INPP4B: variants seen among roughly 807,000 people sequenced by gnomAD.
INPP4B encodes the protein inositol polyphosphate 4-phosphatase type II.
Under a neutral mutation model 122.5 loss-of-function variants are expected in INPP4B, and 55 were observed. The ratio of observed to expected loss-of-function variants is 0.45; its 90% CI spans 0.36 to 0.56. The LOEUF (loss-of-function observed/expected upper bound fraction) is 0.56. Ranked by LOEUF, INPP4B falls within the 20% of genes least tolerant of loss-of-function variation. INPP4B has a pLI of 0.00. For synonymous variants in INPP4B, 403 were observed against 388.7 expected, an observed-to-expected ratio of 1.04 and a Z score of -0.43; for missense variants, 1,000 against 1,097.7, an observed-to-expected ratio of 0.91 and a Z score of 1.26.
intron 2 of INPP4B, chr4:142,583,579 T>A (rs1735561874): frequency 6.6e-6 from 1 of 152,162 alleles, no homozygotes. Context: ...ACCCAGGTCC[T>A]GAGCAACTAT....
intron 23 of INPP4B, among the ~76,000 whole-genome samples, chr4:142,101,210 TGTGA>T (rs1419768405): frequency 6.6e-6 from 1 of 152,142 alleles, no homozygotes; most frequent in Non-Finnish European, 1.5e-5. Context: ...ATTGGGATGT[TGTGA>T]GTATCAACAC....
intron 9 of INPP4B, among the ~76,000 whole-genome samples, chr4:142,279,590 GTTAAC>G (rs1311793438): frequency 6.6e-6 from 1 of 151,062 alleles, no homozygotes; most frequent in Non-Finnish European, 1.5e-5. Context: ...AACAAAAGCA[GTTAAC>G]TTAAAGTAGT....
chr4:142,056,121 A>G (rs1358377961), intron 25 of INPP4B, among the ~76,000 whole-genome samples: 1 of 151,882 alleles, frequency 6.6e-6, no homozygotes, highest in African/African-American at 2.4e-5. Flanking sequence ...GACGGAAGGC[A>G]GAGCTCAGAT....
At chr4:142,409,311 G>C (rs1804109378) in intron 5 of INPP4B, among the ~76,000 whole-genome samples, 1 of 152,150 alleles carries the variant, frequency 6.6e-6, no homozygotes, top group Non-Finnish European at 1.5e-5. Flanking sequence ...TGGCCAACAT[G>C]GCAAAACCCC....
intron 2 of INPP4B, among the ~76,000 whole-genome samples, chr4:142,590,884 A>C (rs951847128): frequency 7.2e-6 from 1 of 138,720 alleles, no homozygotes; most frequent in Non-Finnish European, 1.5e-5. Context: ...CATTCTCCAA[A>C]AAAAAAAAAA....
intron 2 of INPP4B, chr4:142,654,389 A>AAAAAAAAAAAAC (rs1553983869): frequency 6.7e-6 from 1 of 148,522 alleles, no homozygotes; most frequent in Non-Finnish European, 1.5e-5. Flanking sequence ...AAAAAAAAAA[A>AAAAAAAAAAAAC]CATAAAATGA....
chr4:142,067,757 G>A (rs1410056903), intron 25 of INPP4B, among the ~76,000 whole-genome samples: 1 of 152,108 alleles, frequency 6.6e-6, no homozygotes, highest in Non-Finnish European at 1.5e-5. Flanking sequence ...TAAATAAAAT[G>A]AAGTGAGAAG....
Position 142,173,734 on chromosome 4 carries a change from T to G in INPP4B, c.1257A>C (p.Gln419His). Residue 419 changes from glutamine (Q) to histidine (H), a missense_variant, in exon 16 of 26, where the codon CAA becomes CAC. Physicochemically the swap from Gln to His is conservative, Grantham distance 24. Coordinates refer to ENST00000262992, the MANE Select transcript of INPP4B (RefSeq NM_001101669.3). ...KAKEVLSNIN[Q>H]LQPLIATHAD... Reference sequence around the variant, plus strand: ...CATGGGTTGCTATAAGAGGTTGTAGTTGATTGATGTTGCTGAGAACTTCCT... The same window carrying G: ...CATGGGTTGCTATAAGAGGTTGTAGGTGATTGATGTTGCTGAGAACTTCCT... 6.2e-7 allele frequency: 1 copy of G among 1,613,368 alleles called. No homozygotes were observed. Among genetic ancestry groups the G allele is most frequent in the Non-Finnish European group, 8.5e-7 (1 of 1,179,510 alleles).
At chr4:142,735,334 A>G (rs1766700654) in intron 1 of INPP4B, among the ~76,000 whole-genome samples, 1 of 152,128 alleles carries the variant, frequency 6.6e-6, no homozygotes, top group African/African-American at 2.4e-5. Flanking sequence ...CCTTTTGTAA[A>G]CACTAAATCT....
chr4:142,230,137 C>A (rs1853532833), intron 12 of INPP4B, among the ~76,000 whole-genome samples: 1 of 152,288 alleles, frequency 6.6e-6, no homozygotes, highest in African/African-American at 2.4e-5. Context: ...TGTTAGTATA[C>A]TTCCTTCTAG....
chr4:142,417,904 A>G (rs1423484381), intron 5 of INPP4B, among the ~76,000 whole-genome samples: 1 of 152,112 alleles, frequency 6.6e-6, no homozygotes, highest in East Asian at 1.9e-4. Flanking sequence ...TATTTCTATT[A>G]TTTCAGTTGT....
intron 16 of INPP4B, among the ~76,000 whole-genome samples, chr4:142,169,737 G>A (rs1164496204): frequency 2.6e-5 from 4 of 151,560 alleles, no homozygotes; most frequent in African/African-American, 9.7e-5. Context: ...TTTAACAAAT[G>A]CAATATTATA....
At chr4:142,476,595 A>G (rs1340451198) in intron 2 of INPP4B, among the ~76,000 whole-genome samples, 1 of 152,200 alleles carries the variant, frequency 6.6e-6, no homozygotes, top group Non-Finnish European at 1.5e-5. Flanking sequence ...GACACCCATA[A>G]GCTCAAAGAA....
At position 142,028,217 on chromosome 4, in the gene INPP4B, G is replaced by A. The variant is rs1310957626; in HGVS notation, c.*565C>T. ...GCAAGGGAGGAGTCACACCTTGACTGGATGATAGAGATCATTGTGGAACAT... is the reference window on the plus strand; with the variant it reads ...GCAAGGGAGGAGTCACACCTTGACTAGATGATAGAGATCATTGTGGAACAT... On this transcript the variant is annotated 3_prime_UTR_variant, in exon 26 of 26. Coordinates refer to ENST00000262992, the MANE Select transcript of INPP4B (RefSeq NM_001101669.3). 1 of 228,074 alleles carries A rather than the reference G, an allele frequency of 4.4e-6. No individual in the cohort carries two copies. The highest frequency in any genetic ancestry group is 8.7e-6 in the Non-Finnish European group (1 of 114,888). 14.1% of individuals were successfully genotyped at this position (228,074 alleles called of 1,614,324 possible).
chr4:142,624,855 A>T (rs1451854065), intron 2 of INPP4B, among the ~76,000 whole-genome samples: 1 of 152,214 alleles, frequency 6.6e-6, no homozygotes, highest in East Asian at 1.9e-4. Context: ...GTAATCCAGC[A>T]TATAAACAGA....
chr4:142,311,972 C>T (rs1765666546), intron 8 of INPP4B, among the ~76,000 whole-genome samples: 1 of 152,106 alleles, frequency 6.6e-6, no homozygotes, highest in Non-Finnish European at 1.5e-5. Context: ...GGACAATTTT[C>T]CCAAGACTTC....
chr4:142,826,273 A>C (rs934020882), intron 1 of INPP4B, among the ~76,000 whole-genome samples: 2 of 152,152 alleles, frequency 1.3e-5, no homozygotes, highest in Admixed American at 6.6e-5. Flanking sequence ...AGGCTAAGCT[A>C]TACTTTAAGT....
intron 2 of INPP4B, among the ~76,000 whole-genome samples, chr4:142,563,503 A>G (rs1398828852): frequency 6.6e-6 from 1 of 152,242 alleles, no homozygotes; most frequent in Non-Finnish European, 1.5e-5. Context: ...TAGCAGTGAT[A>G]GAAATAGAAA....
In INPP4B at chr4:142,026,830, CA is replaced by C. The variant is rs1354588051; in HGVS notation, c.*1951del. 6.6e-6 allele frequency: 1 copy of C among 152,066 alleles called. No homozygotes were observed. Among genetic ancestry groups the C allele is most frequent in the Non-Finnish European group, 1.5e-5 (1 of 68,016 alleles). The allele number at this position is 152,066 out of a possible 1,614,324, so 9.4% of individuals were successfully genotyped here. On this transcript the variant is annotated 3_prime_UTR_variant, in exon 26 of 26. Coordinates refer to ENST00000262992, the MANE Select transcript of INPP4B (RefSeq NM_001101669.3). ...TTTCCATATTTAAGTAGTTTGTTTT[CA>C]AAAATACAAATAAAAATTATTGCTT... is the stretch of plus-strand genomic sequence containing the variant.
Sources: gnomAD v4.1 joint callset for allele counts (sites outside exome capture counted in the v4.1 genomes callset) on GRCh38, gnomAD v4.1.1 for gene constraint, MANE v1.5 for transcripts, NCBI Gene and HGNC (gene_info 2026-07-23, HGNC 2026-07-21) for gene names.